METTL15: variants seen among roughly 807,000 people sequenced by gnomAD.
METTL15 encodes 12S rRNA N(4)-cytidine methyltransferase METTL15.
In METTL15, 34 loss-of-function variants were observed where a neutral mutation model predicts 38.3. That is an observed-to-expected ratio of 0.89 (90% CI 0.68 to 1.18). The LOEUF (loss-of-function observed/expected upper bound fraction) is 1.18. METTL15 is among the 50% of genes most tolerant of loss of function. The pLI, the probability that METTL15 is intolerant of heterozygous loss-of-function variation, is 0.00. For synonymous variants in METTL15, 162 were observed against 170.9 expected, an observed-to-expected ratio of 0.95 and a Z score of 0.41; for missense variants, 438 against 498.4, an observed-to-expected ratio of 0.88 and a Z score of 1.15.
At chr11:28,390,775 G>A (rs991980023) in intron 5 of METTL15, among the ~76,000 whole-genome samples, 2 of 152,120 alleles carry the variant, frequency 1.3e-5, no homozygotes, top group African/African-American at 4.8e-5. Context: ...GAAAGGCATT[G>A]GTAGCTTGAT....
chr11:28,463,841 A>G (rs1851235620), intron 6 of METTL15, among the ~76,000 whole-genome samples: 1 of 152,140 alleles, frequency 6.6e-6, no homozygotes, highest in South Asian at 2.1e-4. Context: ...CAACATGTTC[A>G]TCACTGAATG....
rs191274987 is a variant in METTL15 at position 28,438,578 on chromosome 11, G to A, written c.*424+14214G>A. Among the ~76,000 whole-genome samples, 730 of 152,076 alleles carry A rather than the reference G, an allele frequency of 4.8e-3. 2 individuals are homozygous for A. The highest frequency in any genetic ancestry group is 7.2e-3 in the Non-Finnish European group (488 of 68,000). ...TCAAGTTTAGTTGGCCTGGGGCCAA[G>A]TCCCAGGAAACTGTATTTTATCAAC... is the stretch of plus-strand genomic sequence containing the variant. On this transcript the variant is annotated intron_variant and NMD_transcript_variant, in intron 6 of 7. Coordinates refer to the METTL15 transcript ENST00000532947.
intron 5 of METTL15, among the ~76,000 whole-genome samples, chr11:28,417,959 T>G (rs1850787525): frequency 6.6e-6 from 1 of 152,214 alleles, no homozygotes; most frequent in South Asian, 2.1e-4. Flanking sequence ...TAATTTGATC[T>G]TATCTTGATG....
intron 5 of METTL15, among the ~76,000 whole-genome samples, chr11:28,407,267 T>A (rs1177964973): frequency 6.6e-6 from 1 of 152,060 alleles, no homozygotes; most frequent in Non-Finnish European, 1.5e-5. Flanking sequence ...GCAGATATGA[T>A]GAAAACGTCA....
At chr11:28,197,169 C>T (rs1851939082) in intron 3 of METTL15, among the ~76,000 whole-genome samples, 1 of 151,752 alleles carries the variant, frequency 6.6e-6, no homozygotes, top group Admixed American at 6.6e-5. Flanking sequence ...TTCAGATATA[C>T]AACGGTAATT....
chr11:28,514,883 A>G (rs993063353), intron 6 of METTL15, among the ~76,000 whole-genome samples: 12 of 152,070 alleles, frequency 7.9e-5, no homozygotes, highest in African/African-American at 2.4e-4. Flanking sequence ...ATCTTTTACT[A>G]TGCCCACAGA....
chr11:28,467,691 A>C (rs1851268359), intron 6 of METTL15, among the ~76,000 whole-genome samples: 1 of 152,188 alleles, frequency 6.6e-6, no homozygotes, highest in African/African-American at 2.4e-5. Flanking sequence ...TGCCATAGTA[A>C]GGACCAGTCA....
intron 5 of METTL15, among the ~76,000 whole-genome samples, chr11:28,407,237 C>T (rs544467653): frequency 6.6e-6 from 1 of 152,178 alleles, no homozygotes; most frequent in Admixed American, 6.5e-5. Context: ...TAGGCAATAC[C>T]ATGCAGGACA....
chr11:28,338,289 C>T (rs1240137260), downstream of METTL15, among the ~76,000 whole-genome samples: 1 of 152,068 alleles, frequency 6.6e-6, no homozygotes, highest in African/African-American at 2.4e-5. Context: ...AAAGAATCTA[C>T]ACTGCCTCCA....
At chr11:28,473,935 C>T (rs1249912078) in intron 6 of METTL15, among the ~76,000 whole-genome samples, 2 of 151,918 alleles carry the variant, frequency 1.3e-5, no homozygotes, top group Non-Finnish European at 2.9e-5. Context: ...TTCCTTTTCC[C>T]CATTCCCATA....
intron 6 of METTL15, among the ~76,000 whole-genome samples, chr11:28,308,761 G>T (rs1359596083): frequency 6.6e-6 from 1 of 151,832 alleles, no homozygotes; most frequent in Non-Finnish European, 1.5e-5. Flanking sequence ...AAATCTCCAG[G>T]GGCAAGAAAC....
the METTL15 span, among the ~76,000 whole-genome samples, chr11:28,532,103 A>G: frequency 6.6e-6 from 1 of 152,114 alleles, no homozygotes; most frequent in South Asian, 2.1e-4. Flanking sequence ...AGCATCAGCT[A>G]TGTAATCTAT....
intron 5 of METTL15, among the ~76,000 whole-genome samples, chr11:28,390,653 C>G (rs1343981089): frequency 6.6e-6 from 1 of 152,162 alleles, no homozygotes; most frequent in Non-Finnish European, 1.5e-5. Context: ...AGTTTGAAGT[C>G]AGGTAGCATG....
In METTL15 at chr11:28,263,041, A is replaced by G. The variant is rs572602652; in HGVS notation, c.408-27165A>G. 2.0e-5 allele frequency among the ~76,000 whole-genome samples: 3 copies of G among 151,728 alleles called. No homozygotes were observed. In the South Asian group the frequency reaches 6.3e-4, roughly 32 times the overall value. ...GTTATTTCCACTTTCTTCCATTTTA[A>G]TCTCTTAAAAAATGATTTCCAAACG... On this transcript the variant is annotated intron_variant, in intron 4 of 6. Transcript: ENST00000407364.
intron 6 of METTL15, among the ~76,000 whole-genome samples, chr11:28,523,384 T>G (rs1314351630): frequency 6.6e-6 from 1 of 152,246 alleles, no homozygotes; most frequent in East Asian, 1.9e-4. Flanking sequence ...CTTTTTGCTT[T>G]GACTTGAAAC....
chr11:28,224,037 A>G lies in METTL15; in HGVS notation c.407+12839A>G, dbSNP rs1590185128. On this transcript the variant is annotated intron_variant, in intron 4 of 6. Transcript: ENST00000407364. ...CTATAATTTTGTTTCTAAAAATATAATAAACTGTTATTTTCAACATTTTAT... is the reference window on the plus strand; with the variant it reads ...CTATAATTTTGTTTCTAAAAATATAGTAAACTGTTATTTTCAACATTTTAT... Among the ~76,000 whole-genome samples the G allele has an allele frequency of 2.0e-5, 3 of 152,230 alleles. No individual in the cohort carries two copies. The East Asian group carries it at 5.8e-4, about 29-fold the overall frequency.
In METTL15 at chr11:28,197,925, A is replaced by T. The variant is rs549848167; in HGVS notation, c.271-13137A>T. On this transcript the variant is annotated intron_variant, in intron 3 of 6. Coordinates refer to ENST00000407364, the MANE Select transcript of METTL15 (RefSeq NM_001113528.2). ...CCATCACTAAAATGACTTGTGCCAA[A>T]AAAGATTTTTTTGAAAAGAGCATTT... 1.7e-3 allele frequency among the ~76,000 whole-genome samples: 266 copies of T among 152,210 alleles called. 1 individual carries two copies. The highest frequency in any genetic ancestry group is 5.9e-3 in the African/African-American group (244 of 41,552).
chr11:28,309,758 C>CT (rs1335115650), intron 6 of METTL15, among the ~76,000 whole-genome samples: 1 of 152,124 alleles, frequency 6.6e-6, no homozygotes, highest in African/African-American at 2.4e-5. Context: ...CAGCATTTTC[C>CT]TAGTCTCTGG....
At chr11:28,132,364 T>G (rs1230986276) in intron 3 of METTL15, among the ~76,000 whole-genome samples, 1 of 152,102 alleles carries the variant, frequency 6.6e-6, no homozygotes. Flanking sequence ...AAGTTACATT[T>G]CTTTCATATT....
Sources: allele counts gnomAD v4.1 joint callset (sites outside exome capture counted in the v4.1 genomes callset), GRCh38; gene constraint gnomAD v4.1.1; transcripts MANE v1.5; gene names NCBI Gene and HGNC (gene_info 2026-07-23, HGNC 2026-07-21).